STOX1: variants seen among roughly 807,000 people sequenced by gnomAD.
STOX1 encodes the protein storkhead box 1.
Under a neutral mutation model 74.8 loss-of-function variants are expected in STOX1, and 57 were observed. That is an observed-to-expected ratio of 0.76 (90% CI 0.62 to 0.95). The LOEUF is 0.95. Ranked by LOEUF, STOX1 falls within the 40% of genes least tolerant of loss-of-function variation. The pLI is 0.00. For missense variants in STOX1, 1,010 were observed against 1,117.0 expected, an observed-to-expected ratio of 0.90 and a Z score of 1.37; for synonymous variants, 375 against 401.3, an observed-to-expected ratio of 0.93 and a Z score of 0.78.
At chr10:68,871,529 A>C (rs1455826958) in intron 1 of STOX1, among the ~76,000 whole-genome samples, 13 of 152,234 alleles carry the variant, frequency 8.5e-5, no homozygotes. Context: ...TATTTCCCAG[A>C]AGGGAGCCAT....
intron 1 of STOX1, among the ~76,000 whole-genome samples, chr10:68,830,017 T>TG: frequency 6.6e-6 from 1 of 151,452 alleles, no homozygotes; most frequent in South Asian, 2.1e-4. Context: ...GGATGCAGGG[T>TG]GGGGGGTCTA....
intron 1 of STOX1, among the ~76,000 whole-genome samples, chr10:68,853,176 C>T (rs554384292): frequency 6.6e-5 from 10 of 152,122 alleles, no homozygotes; most frequent in Non-Finnish European, 1.5e-4. Flanking sequence ...CCACCCGCCT[C>T]GGCCTCCCAA....
chr10:68,889,717 C>G (rs1841053323), intron 3 of STOX1, among the ~76,000 whole-genome samples: 1 of 152,144 alleles, frequency 6.6e-6, no homozygotes, highest in Non-Finnish European at 1.5e-5. Context: ...GCACACACCA[C>G]CAGGCCCAGC....
At chr10:68,845,988 C>G (rs1178087415) in intron 1 of STOX1, among the ~76,000 whole-genome samples, 1 of 152,054 alleles carries the variant, frequency 6.6e-6, no homozygotes, top group African/African-American at 2.4e-5. Context: ...ATCCTCCCAC[C>G]TCAGCCTCCC....
intron 3 of STOX1, among the ~76,000 whole-genome samples, chr10:68,889,659 G>C (rs975083612): frequency 2.0e-5 from 3 of 152,156 alleles, no homozygotes; most frequent in Non-Finnish European, 2.9e-5. Context: ...TGCTTCCTGG[G>C]TTCAAGCAAT....
At chr10:68,874,113 T>C (rs1406620048) in intron 1 of STOX1, among the ~76,000 whole-genome samples, 1 of 145,528 alleles carries the variant, frequency 6.9e-6, no homozygotes, top group Non-Finnish European at 1.5e-5. Flanking sequence ...AAGTAACTTA[T>C]TAAAAAGGCA....
chr10:68,883,222 CAAA>C (rs56982685), intron 2 of STOX1, among the ~76,000 whole-genome samples: 5,737 of 139,920 alleles, frequency 0.041, 317 homozygotes, highest in African/African-American at 0.13. Flanking sequence ...CTAAAAACTA[CAAA>C]AAAAAAAAAA....
chr10:68,829,814 G>A (rs1227703291), intron 1 of STOX1, among the ~76,000 whole-genome samples: 1 of 152,122 alleles, frequency 6.6e-6, no homozygotes, highest in Non-Finnish European at 1.5e-5. Context: ...AAGAAAATAG[G>A]TTTCTGGCTC....
rs1434614803 is a variant in STOX1, at chr10:68,852,485, C to G, written c.310+24552C>G. Among the ~76,000 whole-genome samples the G allele has an allele frequency of 2.6e-5, 4 of 151,754 alleles. No individual in the cohort carries two copies. In the East Asian group the frequency reaches 7.8e-4, roughly 29 times the overall value. ...TTGTTAGCCAGGATGGTCTTGATCTCCTGACCTCATGATCCACCAGCCTCG... is the reference window on the plus strand; with the variant it reads ...TTGTTAGCCAGGATGGTCTTGATCTGCTGACCTCATGATCCACCAGCCTCG... On this transcript the variant is annotated intron_variant, in intron 1 of 3. Transcript: ENST00000298596.
intron 1 of STOX1, among the ~76,000 whole-genome samples, chr10:68,852,360 G>A (rs1253780200): frequency 2.8e-5 from 4 of 142,452 alleles, no homozygotes; most frequent in South Asian, 2.4e-4. Context: ...CCGGGTTCAC[G>A]CCATTCTCCT....
chr10:68,863,589 A>G (rs1840322095), intron 1 of STOX1, among the ~76,000 whole-genome samples: 1 of 152,152 alleles, frequency 6.6e-6, no homozygotes, highest in South Asian at 2.1e-4. Context: ...TGCAGTACCA[A>G]CTAGGCCATC....
intron 1 of STOX1, among the ~76,000 whole-genome samples, chr10:68,838,627 A>G (rs929177106): frequency 6.6e-6 from 1 of 152,054 alleles, no homozygotes; most frequent in Non-Finnish European, 1.5e-5. Flanking sequence ...AAAAGTGGCA[A>G]GAGCCGGGCG....
Position 68,892,617 on chromosome 10 carries a change from G to T in STOX1, c.2851G>T (p.Val951Phe). Residue 951 changes from valine to phenylalanine, a missense_variant, in exon 4 of 4, where the codon GTC becomes TTC. Physicochemically the swap from Val to Phe is conservative, Grantham distance 50. Coordinates refer to ENST00000298596, the MANE Select transcript of STOX1 (RefSeq NM_152709.5). ...RTQSLGSNNS[V>F]ILDGLKRRQN... ...ACAGAGTCTGGGATCTAATAATTCA[G>T]TCATTTTGGATGGACTAAAAAGAAG... 3 of 1,613,560 alleles carry T rather than the reference G, an allele frequency of 1.9e-6. No individual in the cohort carries two copies. Among genetic ancestry groups the T allele is most frequent in the East Asian group, 4.5e-5 (2 of 44,806 alleles).
rs1246295338 is a variant in STOX1, at chr10:68,861,322, G to C, written c.311-20636G>C. 7.2e-5 allele frequency among the ~76,000 whole-genome samples: 11 copies of C among 152,252 alleles called. No individual in the cohort carries two copies. In the East Asian group the frequency reaches 1.9e-3, roughly 27 times the overall value. On this transcript the variant is annotated intron_variant, in intron 1 of 3. Coordinates refer to ENST00000298596, the MANE Select transcript of STOX1 (RefSeq NM_152709.5). ...TTCTTCAGAAGAACAAAGGGACAGG[G>C]TCTGGCTTTTTATCTGCAGCAGGAA...
chr10:68,842,536 C>CTTTT (rs11332701), intron 1 of STOX1, among the ~76,000 whole-genome samples: 143 of 71,906 alleles, frequency 2.0e-3, no homozygotes, highest in Middle Eastern at 0.02. Context: ...TGTACCATTT[C>CTTTT]TTTTTTTTTT....
Position 68,886,062 on chromosome 10 carries a change from A to G in STOX1, c.2266A>G (p.Ser756Gly). ...CTTACGTCAAATGCTGCCTGGCCAC[A>G]GTCAGTATTCCTTCACAGGTGGAAG... is the stretch of plus-strand genomic sequence containing the variant. ...DDLRQMLPGH[S>G]QYSFTGGSQG... Residue 756 changes from serine to glycine, a missense_variant, in exon 3 of 4, where the codon AGT becomes GGT. Coordinates refer to ENST00000298596, the MANE Select transcript of STOX1 (RefSeq NM_152709.5). The G allele has an allele frequency of 1.2e-6, 2 of 1,614,218 alleles. No homozygotes were observed. The highest frequency in any genetic ancestry group is 1.7e-6 in the Non-Finnish European group (2 of 1,180,040).
At chr10:68,859,271 T>C (rs934913952) in intron 1 of STOX1, among the ~76,000 whole-genome samples, 5 of 152,142 alleles carry the variant, frequency 3.3e-5, no homozygotes, top group African/African-American at 1.2e-4. Flanking sequence ...TAGATACCCA[T>C]TTTGAGAGCA....
chr10:68,894,664 T>A (rs1337063353), downstream of STOX1, among the ~76,000 whole-genome samples: 1 of 152,066 alleles, frequency 6.6e-6, no homozygotes, highest in African/African-American at 2.4e-5. Context: ...AGAGTATAGT[T>A]TTAGGGGGGT....
chr10:68,847,519 C>T (rs547080168), intron 1 of STOX1, among the ~76,000 whole-genome samples: 1 of 151,982 alleles, frequency 6.6e-6, no homozygotes, highest in African/African-American at 2.4e-5. Flanking sequence ...AAGCGTTTCT[C>T]CTACCTCAGG....
Sources: gnomAD v4.1 joint callset for allele counts (sites outside exome capture counted in the v4.1 genomes callset) on GRCh38, gnomAD v4.1.1 for gene constraint, MANE v1.5 for transcripts, NCBI Gene and HGNC (gene_info 2026-07-23, HGNC 2026-07-21) for gene names.